Variants in ARHGEF3 observed in about 807,000 individuals in gnomAD.
ARHGEF3 encodes the protein Rho guanine nucleotide exchange factor 3, also known as 59.8 kDA protein.
In ARHGEF3, 28 loss-of-function variants were observed where a neutral mutation model predicts 63.2. That is an observed-to-expected ratio of 0.44 (90% CI 0.33 to 0.61). The LOEUF is 0.61. ARHGEF3 is among the 20% of genes least tolerant of loss of function. The probability of loss-of-function intolerance (pLI) is 0.03; values close to 1 mark genes in which losing one functional copy is unlikely to be tolerated. For synonymous variants in ARHGEF3, 266 were observed against 254.2 expected, an observed-to-expected ratio of 1.05 and a Z score of -0.44; for missense variants, 533 against 659.3, an observed-to-expected ratio of 0.81 and a Z score of 2.10.
chr3:56,798,563 C>A (rs145694813), intron 1 of ARHGEF3, among the ~76,000 whole-genome samples: 5,738 of 132,054 alleles, frequency 0.043, 125 homozygotes, highest in African/African-American at 0.061. Context: ...TTTTTTAAGC[C>A]TTCTTTTTAA....
intron 1 of ARHGEF3, among the ~76,000 whole-genome samples, chr3:56,794,482 C>G (rs13100564): frequency 2.2e-5 from 2 of 92,132 alleles, no homozygotes; most frequent in Non-Finnish European, 3.8e-5. Context: ...GAGCGAGACT[C>G]TATCTCAAAA....
intron 3 of ARHGEF3, among the ~76,000 whole-genome samples, chr3:56,930,368 T>C (rs2042378912): frequency 6.6e-6 from 1 of 152,148 alleles, no homozygotes; most frequent in East Asian, 1.9e-4. Context: ...ACTCCTCCTA[T>C]TGCTAAACCA....
intron 4 of ARHGEF3, among the ~76,000 whole-genome samples, chr3:56,821,528 T>C (rs2038493011): frequency 6.6e-6 from 1 of 152,194 alleles, no homozygotes; most frequent in South Asian, 2.1e-4. Flanking sequence ...GTCAATGCCA[T>C]TGAGGTTATA....
At position 56,873,219 on chromosome 3, in the gene ARHGEF3, G is replaced by GTTT. The variant is rs751050214; in HGVS notation, c.192+9070_192+9072dup. On this transcript the variant is annotated intron_variant, in intron 4 of 12. Coordinates refer to the ARHGEF3 transcript ENST00000338458. ...CAAACAAGTTTTACTTTTGTGCTAT[G>GTTT]TTTGTTTTTTTTTTTTTAACTTTTA... Among the ~76,000 whole-genome samples, 2 of 49,730 alleles carry GTTT rather than the reference G, an allele frequency of 4.0e-5. 1 individual carries two copies. The highest frequency in any genetic ancestry group is 1.6e-3 in the South Asian group (2 of 1,270). The allele number at this position is 49,730 out of a possible 152,430, so 32.6% of individuals were successfully genotyped here.
chr3:56,923,042 AT>A (rs2042184100), intron 3 of ARHGEF3, among the ~76,000 whole-genome samples: 15 of 11,032 alleles, frequency 1.4e-3, no homozygotes, highest in African/African-American at 2.8e-3. Flanking sequence ...ATATATATAT[AT>A]ATATATATAT....
At chr3:56,839,765 T>C (rs1390645252) in intron 4 of ARHGEF3, among the ~76,000 whole-genome samples, 1 of 152,162 alleles carries the variant, frequency 6.6e-6, no homozygotes, top group Non-Finnish European at 1.5e-5. Flanking sequence ...ATTGCAAGGA[T>C]GCTTTGACCC....
At chr3:57,035,964 G>A (rs1377128279) in intron 1 of ARHGEF3, among the ~76,000 whole-genome samples, 3 of 152,162 alleles carry the variant, frequency 2.0e-5, no homozygotes, top group African/African-American at 7.2e-5. Flanking sequence ...TGGTTTTATG[G>A]GTTGTGAACT....
Position 56,852,613 on chromosome 3 carries a change from C to T in ARHGEF3, c.192+29679G>A, listed in dbSNP as rs74803237. The stretch of plus-strand genomic sequence containing the variant: ...CTATGATCCTTTCTCCTTATCTCTA[C>T]AGACCAAAATCATAGCTAGTTCTCT... On this transcript the variant is annotated intron_variant, in intron 4 of 12. Coordinates refer to the ARHGEF3 transcript ENST00000338458. Among the ~76,000 whole-genome samples, 1,400 of 152,156 alleles carry T rather than the reference C, an allele frequency of 9.2e-3. 22 individuals are homozygous for T. The highest frequency in any genetic ancestry group is 0.032 in the African/African-American group (1,333 of 41,510).
At chr3:57,026,695 A>G (rs1229530213) in intron 2 of ARHGEF3, among the ~76,000 whole-genome samples, 2 of 152,208 alleles carry the variant, frequency 1.3e-5, no homozygotes, top group Non-Finnish European at 2.9e-5. Flanking sequence ...GCCAGAGGCA[A>G]AACCCCTCAG....
At position 56,773,782 on chromosome 3, in the gene ARHGEF3, C is replaced by T. The variant is rs1314753114; in HGVS notation, c.131G>A (p.Arg44Gln). 9 of 1,600,784 alleles carry T rather than the reference C, an allele frequency of 5.6e-6. No homozygotes were observed. The highest frequency in any genetic ancestry group is 1.8e-5 in the Admixed American group (1 of 56,314). The change falls in exon 2 of 10, where the codon CGA (arginine) becomes CAA (glutamine). Residue 44 changes from arginine to glutamine, a missense_variant. By Grantham distance (43) the Arg-to-Gln change is conservative (BLOSUM62 1). This residue lies in a region of ARHGEF3 where 160 missense variants were observed against 157.3 expected (regional missense o/e 1.02). Transcript: ENST00000296315. ...PSNKRVKPLS[R>Q]VTSLANLIPP... ...GATGAGGTTTGCTAGCGACGTGACTCGGGAAAGGGGTTTGACCCGTTTATT... is the reference window on the plus strand; with the variant it reads ...GATGAGGTTTGCTAGCGACGTGACTTGGGAAAGGGGTTTGACCCGTTTATT...
At chr3:57,026,544 T>C (rs528364419) in intron 2 of ARHGEF3, among the ~76,000 whole-genome samples, 2 of 152,302 alleles carry the variant, frequency 1.3e-5, no homozygotes, top group East Asian at 3.9e-4. Flanking sequence ...TCTATCAGAT[T>C]TCCCAGGAGG....
At chr3:57,076,087 T>G (rs1470994952) in intron 1 of ARHGEF3, among the ~76,000 whole-genome samples, 1 of 152,238 alleles carries the variant, frequency 6.6e-6, no homozygotes, top group African/African-American at 2.4e-5. Flanking sequence ...GTCCAAGGAT[T>G]AATTTTCTTT....
intron 2 of ARHGEF3, among the ~76,000 whole-genome samples, chr3:57,020,029 G>A (rs1170066599): frequency 2.0e-5 from 3 of 152,296 alleles, no homozygotes; most frequent in Non-Finnish European, 4.4e-5. Context: ...CTCCCAAGTA[G>A]CTGGGACTAC....
At chr3:57,031,579 C>T (rs1330358634) in intron 2 of ARHGEF3, among the ~76,000 whole-genome samples, 3 of 152,220 alleles carry the variant, frequency 2.0e-5, no homozygotes, top group Non-Finnish European at 4.4e-5. Context: ...AGATGCCAGA[C>T]TCCAAATTCC....
At chr3:56,978,857 T>C (rs1701220123) in intron 2 of ARHGEF3, among the ~76,000 whole-genome samples, 1 of 152,158 alleles carries the variant, frequency 6.6e-6, no homozygotes, top group Admixed American at 6.5e-5. Context: ...GAACCAGTTA[T>C]TAAGAAAGCC....
At chr3:57,019,872 ACT>A (rs1703180073) in intron 2 of ARHGEF3, among the ~76,000 whole-genome samples, 1 of 152,112 alleles carries the variant, frequency 6.6e-6, no homozygotes, top group East Asian at 1.9e-4. Flanking sequence ...TGATGCCTTA[ACT>A]CTCTATTTCC....
chr3:56,737,842 G>C (rs2033732358), intron 7 of ARHGEF3, among the ~76,000 whole-genome samples: 1 of 152,014 alleles, frequency 6.6e-6, no homozygotes, highest in African/African-American at 2.4e-5. Context: ...AACAATATTT[G>C]CAGATTGGGT....
chr3:56,920,663 T>G (rs1254257136), intron 3 of ARHGEF3, among the ~76,000 whole-genome samples: 1 of 152,174 alleles, frequency 6.6e-6, no homozygotes, highest in Non-Finnish European at 1.5e-5. Context: ...AATCTTACAG[T>G]TGGAAAGGGA....
At chr3:56,904,412 A>C (rs1375510493) in intron 3 of ARHGEF3, among the ~76,000 whole-genome samples, 1 of 152,202 alleles carries the variant, frequency 6.6e-6, no homozygotes, top group Non-Finnish European at 1.5e-5. Flanking sequence ...CGATCTTCCC[A>C]CGTTGGCCTC....
Sources: gnomAD v4.1 joint callset for allele counts (sites outside exome capture counted in the v4.1 genomes callset) on GRCh38, gnomAD v4.1.1 for gene constraint, gnomAD v4.1.1 regional missense constraint, MANE v1.5 for transcripts, NCBI Gene and HGNC (gene_info 2026-07-23, HGNC 2026-07-21) for gene names.